The following STEEP1 variants were observed in gnomAD, a reference collection of about 807,000 sequenced individuals.
STEEP1 encodes STING1 ER exit protein 1.
STEEP1 carries 3 observed loss-of-function variants against 19.2 expected under a neutral mutation model. That is an observed-to-expected ratio of 0.16 (90% CI 0.07 to 0.40). The LOEUF (loss-of-function observed/expected upper bound fraction) is 0.40. Ranked by LOEUF, STEEP1 falls within the 10% of genes least tolerant of loss-of-function variation. The pLI, the probability that STEEP1 is intolerant of heterozygous loss-of-function variation, is 0.99. For missense variants in STEEP1, 54 were observed against 177.1 expected (o/e 0.30, Z 3.94); for synonymous variants, 46 against 63.7 (o/e 0.72, Z 1.32).
At chrX:119,559,774 C>A (rs1455649737) in intron 2 of STEEP1, among the ~76,000 whole-genome samples, 2 of 112,572 alleles carry the variant, frequency 1.8e-5, no homozygotes, top group East Asian at 5.6e-4. Flanking sequence ...AGGGGCCGGG[C>A]ACAGTGGCTT....
rs940808754 is a variant in STEEP1 at position 119,539,567 on chromosome X, G to A, written c.*160C>T. 5 of 388,319 alleles carry A rather than the reference G, an allele frequency of 1.3e-5. No individual in the cohort carries two copies. The highest frequency in any genetic ancestry group is 2.2e-5 in the Non-Finnish European group (5 of 222,571). The allele number at this position is 388,319 out of a possible 1,213,427, so 32.0% of individuals were successfully genotyped here. Reference sequence around the variant, plus strand: ...AAAAAAAAAGAAAGCAAGTTAAATGGACTCAGTTAAAGACCTCACTGAATG... The same window carrying A: ...AAAAAAAAAGAAAGCAAGTTAAATGAACTCAGTTAAAGACCTCACTGAATG... On this transcript the variant is annotated 3_prime_UTR_variant, in exon 7 of 7. Transcript: ENST00000644802.
intron 2 of STEEP1, among the ~76,000 whole-genome samples, chrX:119,550,505 G>A (rs73614217): frequency 0.012 from 1,316 of 111,469 alleles, 20 homozygotes; most frequent in African/African-American, 0.041. Context: ...AAACTAGATA[G>A]CCACATGCAA....
chrX:119,554,422 G>A (rs936293650), intron 2 of STEEP1, among the ~76,000 whole-genome samples: 7 of 111,506 alleles, frequency 6.3e-5, no homozygotes, highest in Admixed American at 1.9e-4. Flanking sequence ...TCCAGCCTGG[G>A]CAACAGAGTG....
chrX:119,544,530 C>A, intron 3 of STEEP1, 39 bp from the exon 4 acceptor site: 2 of 1,177,047 alleles, frequency 1.7e-6, no homozygotes, highest in Non-Finnish European at 2.3e-6. Context: ...GTCTCATAAT[C>A]CAAATTCCCA....
rs1424170304 is a variant in STEEP1, at chrX:119,562,524, A to C, written c.125-2139T>G. On this transcript the variant is annotated intron_variant, in intron 1 of 6. Coordinates refer to ENST00000644802, the MANE Select transcript of STEEP1 (RefSeq NM_022101.4). ...CTCCAGCCTGGGCAACAAGAGCGAA[A>C]CTCCGTCTCAAAAAAAAAAAAAAAA... 1.7e-4 allele frequency among the ~76,000 whole-genome samples: 16 copies of C among 93,687 alleles called. No homozygotes were observed. The Admixed American group carries it at 1.7e-3, about 10-fold the overall frequency. The allele number at this position is 93,687 out of a possible 115,157, so 81.4% of individuals were successfully genotyped here.
At chrX:119,544,259 C>A in intron 4 of STEEP1, 94 bp downstream of exon 4, 2 of 638,946 alleles carry the variant, frequency 3.1e-6, no homozygotes, top group Non-Finnish European at 4.6e-6. Context: ...AGAATACATC[C>A]ATAAAGAGCA....
chrX:119,564,348 T>C (rs1201724731), intron 1 of STEEP1, among the ~76,000 whole-genome samples: 1 of 109,540 alleles, frequency 9.1e-6, no homozygotes, highest in East Asian at 2.9e-4. Context: ...ACACAAAAAT[T>C]AGCCGGGCAT....
rs34447220 is a variant in STEEP1, at chrX:119,539,530, CAAA to C, written c.*194_*196del. ...TGGGCGAAAGAGCAAGACTTTATCTCAAAAAAAAAAAAAAAAAAAAGAAAGCAA... is the reference window on the plus strand; with the variant it reads ...TGGGCGAAAGAGCAAGACTTTATCTCAAAAAAAAAAAAAAAAAGAAAGCAA... On this transcript the variant is annotated 3_prime_UTR_variant, in exon 7 of 7. Transcript: ENST00000644802. 510 of 303,101 alleles carry C rather than the reference CAAA, an allele frequency of 1.7e-3. No individual in the cohort carries two copies. Among genetic ancestry groups the C allele is most frequent in the African/African-American group, 2.6e-3 (75 of 28,869 alleles). The allele number at this position is 303,101 out of a possible 1,213,427, so 25.0% of individuals were successfully genotyped here.
At chrX:119,540,248 C>T (rs902887392) in intron 6 of STEEP1, among the ~76,000 whole-genome samples, 7 of 112,303 alleles carry the variant, frequency 6.2e-5, no homozygotes, top group Non-Finnish European at 1.3e-4. Context: ...AGCAATTTGA[C>T]ACAATAGTAA....
At chrX:119,550,955 G>A (rs1281912925) in intron 2 of STEEP1, among the ~76,000 whole-genome samples, 3 of 110,808 alleles carry the variant, frequency 2.7e-5, no homozygotes, top group African/African-American at 9.8e-5. Context: ...GAGCCACCAC[G>A]CCTGGCCATT....
intron 2 of STEEP1, among the ~76,000 whole-genome samples, chrX:119,558,213 G>A (rs774132940): frequency 1.3e-4 from 14 of 111,543 alleles, no homozygotes; most frequent in African/African-American, 3.6e-4. Context: ...CCAGGCTGTA[G>A]TACTTTACTA....
rs991748810 is a variant in STEEP1, at chrX:119,564,367, G to A, written c.124+865C>T. Reference sequence around the variant, plus strand: ...AAAAATTAGCCGGGCATGGTGGCGGGCGCCTGTAATCCCAGCTACTCGGGA... The same window carrying A: ...AAAAATTAGCCGGGCATGGTGGCGGACGCCTGTAATCCCAGCTACTCGGGA... On this transcript the variant is annotated intron_variant, in intron 1 of 6. Transcript: ENST00000644802. Among the ~76,000 whole-genome samples, 2 of 109,421 alleles carry A rather than the reference G, an allele frequency of 1.8e-5. 1 individual carries two copies. Among genetic ancestry groups the A allele is most frequent in the African/African-American group, 6.7e-5 (2 of 30,026 alleles).
intron 2 of STEEP1, among the ~76,000 whole-genome samples, chrX:119,553,151 CAA>C (rs1237472493): frequency 3.7e-5 from 2 of 53,507 alleles, no homozygotes; most frequent in Non-Finnish European, 7.4e-5. Context: ...GAGACTGTCT[CAA>C]AAAAAAAAAA....
chrX:119,554,940 T>C lies in STEEP1; in HGVS notation c.242+5328A>G, dbSNP rs780678756. Among the ~76,000 whole-genome samples, 127 of 109,002 alleles carry C rather than the reference T, an allele frequency of 1.2e-3. 1 individual carries two copies. Among genetic ancestry groups the C allele is most frequent in the African/African-American group, 4.0e-3 (120 of 29,668 alleles). 94.7% of individuals were successfully genotyped at this position (109,002 alleles called of 115,157 possible). On this transcript the variant is annotated intron_variant, in intron 2 of 6. Transcript: ENST00000644802. ...TGGGCAACATAGGAAGACCCTGTCT[T>C]TACAAAAAAAAATTAAAAATTAGCC...
chrX:119,539,211 A>C lies in STEEP1; in HGVS notation c.*516T>G, dbSNP rs2053144247. ...AATAGTACAGAAAACCTAAATACAG[A>C]AAAATTCAGAAAACTCCATCTCCTA... On this transcript the variant is annotated 3_prime_UTR_variant, in exon 7 of 7. Transcript: ENST00000644802. 1 of 111,686 alleles carries C rather than the reference A, an allele frequency of 9.0e-6. No individual in the cohort carries two copies. The allele number at this position is 111,686 out of a possible 1,213,427, so 9.2% of individuals were successfully genotyped here.
chrX:119,540,160 T>C (rs1386666883), intron 6 of STEEP1, among the ~76,000 whole-genome samples: 1 of 111,995 alleles, frequency 8.9e-6, no homozygotes, highest in Non-Finnish European at 1.9e-5. Flanking sequence ...CTTAAAGTTA[T>C]ATGGTCTATG....
chrX:119,543,183 A>G (rs2053177607), intron 4 of STEEP1, among the ~76,000 whole-genome samples: 1 of 105,866 alleles, frequency 9.4e-6, no homozygotes, highest in Non-Finnish European at 1.9e-5. Context: ...CTTAAAATTT[A>G]TTTTTAATTA....
chrX:119,550,954 C>T (rs765718004), intron 2 of STEEP1, among the ~76,000 whole-genome samples: 2 of 111,183 alleles, frequency 1.8e-5, no homozygotes, highest in African/African-American at 3.3e-5. Context: ...TGAGCCACCA[C>T]GCCTGGCCAT....
At chrX:119,539,810 T>C (rs1300706245) in intron 6 of STEEP1, 21 bp from the exon 7 acceptor site, 6 of 1,135,094 alleles carry the variant, frequency 5.3e-6, no homozygotes, top group Non-Finnish European at 7.2e-6. Flanking sequence ...AAAAAAAGCA[T>C]ATGTCTTGAT....
Sources: allele counts gnomAD v4.1 joint callset (sites outside exome capture counted in the v4.1 genomes callset), GRCh38; gene constraint gnomAD v4.1.1; transcripts MANE v1.5; gene names NCBI Gene and HGNC (gene_info 2026-07-23, HGNC 2026-07-21).